RALY: variants seen among roughly 807,000 people sequenced by gnomAD.
RALY encodes RALY heterogeneous nuclear ribonucleoprotein, also known as RNA-binding protein Raly.
A neutral mutation model predicts 30.7 loss-of-function variants in RALY; 15 were observed. The ratio of observed to expected loss-of-function variants is 0.49; its 90% CI spans 0.33 to 0.75. The LOEUF is 0.75. RALY is among the 30% of genes least tolerant of loss of function. The pLI, the probability that RALY is intolerant of heterozygous loss-of-function variation, is 0.02. For missense variants in RALY, 339 were observed against 414.3 expected, an observed-to-expected ratio of 0.82 and a Z score of 1.58; for synonymous variants, 177 against 170.8, an observed-to-expected ratio of 1.04 and a Z score of -0.28.
chr20:34,019,755 G>T lies in RALY; in HGVS notation c.-92-11767G>T, dbSNP rs535623547. Among the ~76,000 whole-genome samples the T allele has an allele frequency of 8.5e-5, 13 of 152,188 alleles. No individual in the cohort carries two copies. The South Asian group carries it at 1.0e-3, about 12-fold the overall frequency. ...ATACAAATTATGTAAGACAGAGCAA[G>T]CTTTATTCGGTAGATAGGAAGCTTG... On this transcript the variant is annotated intron_variant, in intron 1 of 9. Coordinates refer to ENST00000246194, the MANE Select transcript of RALY (RefSeq NM_016732.3).
At chr20:34,067,040 G>C (rs1388510385) in intron 2 of RALY, among the ~76,000 whole-genome samples, 1 of 152,096 alleles carries the variant, frequency 6.6e-6, no homozygotes, top group Non-Finnish European at 1.5e-5. Flanking sequence ...TGTTTTTGAG[G>C]TCCTGATTCC....
chr20:34,026,289 T>C (rs1368061925), intron 1 of RALY, among the ~76,000 whole-genome samples: 1 of 152,160 alleles, frequency 6.6e-6, no homozygotes, highest in Non-Finnish European at 1.5e-5. Context: ...CAAAGAGGAA[T>C]TCCTGCTGCT....
intron 2 of RALY, among the ~76,000 whole-genome samples, chr20:34,051,910 C>T (rs2033091686): frequency 6.6e-6 from 1 of 152,158 alleles, no homozygotes. Flanking sequence ...CAGCCTGATA[C>T]TTTCACTACA....
intron 2 of RALY, among the ~76,000 whole-genome samples, chr20:34,067,554 C>G (rs2033609831): frequency 6.6e-6 from 1 of 152,202 alleles, no homozygotes; most frequent in Non-Finnish European, 1.5e-5. Flanking sequence ...CCTTTGCAAA[C>G]CCCTGCCACT....
At chr20:33,999,603 C>CCT (rs1190099170) in intron 1 of RALY, among the ~76,000 whole-genome samples, 3 of 152,150 alleles carry the variant, frequency 2.0e-5, no homozygotes, top group African/African-American at 7.2e-5. Flanking sequence ...TTCCTAAGTC[C>CCT]CTCTCTAAGC....
chr20:34,043,671 G>A (rs2032778952), intron 2 of RALY, among the ~76,000 whole-genome samples: 1 of 152,156 alleles, frequency 6.6e-6, no homozygotes, highest in South Asian at 2.1e-4. Context: ...GTTCATACTA[G>A]TGGGTAGGAA....
At chr20:34,013,581 T>G (rs946462869) in intron 1 of RALY, among the ~76,000 whole-genome samples, 6 of 152,212 alleles carry the variant, frequency 3.9e-5, no homozygotes, top group African/African-American at 1.4e-4. Context: ...CTGTTTATCT[T>G]TCATATCAAT....
At chr20:34,019,978 G>A (rs1053612600) in intron 1 of RALY, among the ~76,000 whole-genome samples, 3 of 151,894 alleles carry the variant, frequency 2.0e-5, no homozygotes, top group African/African-American at 2.4e-5. Flanking sequence ...GGAGAATGGC[G>A]TGAACCCGGG....
intron 2 of RALY, among the ~76,000 whole-genome samples, chr20:34,054,830 G>A (rs1381566781): frequency 6.1e-5 from 9 of 146,526 alleles, no homozygotes; most frequent in South Asian, 2.1e-4. Context: ...AAAAAAAAAA[G>A]AAAGAAAGAA....
intron 5 of RALY, among the ~76,000 whole-genome samples, chr20:34,074,787 C>A (rs140109013): frequency 7.9e-5 from 12 of 152,326 alleles, no homozygotes; most frequent in African/African-American, 2.9e-4. Context: ...CAGAGCCGTT[C>A]CCTCCCCTTG....
intron 2 of RALY, among the ~76,000 whole-genome samples, chr20:34,068,094 A>G (rs1312135217): frequency 2.0e-5 from 3 of 152,104 alleles, no homozygotes; most frequent in East Asian, 1.9e-4. Context: ...AGAAGTCTCT[A>G]GGAATAAATT....
intron 1 of RALY, among the ~76,000 whole-genome samples, chr20:34,018,816 C>G (rs1054616198): frequency 2.6e-5 from 4 of 152,208 alleles, no homozygotes; most frequent in African/African-American, 7.2e-5. Context: ...GGAGATGGAG[C>G]TCCTAATGAT....
At chr20:34,011,354 T>G (rs2031391750) in intron 1 of RALY, among the ~76,000 whole-genome samples, 2 of 152,198 alleles carry the variant, frequency 1.3e-5, no homozygotes, top group Non-Finnish European at 2.9e-5. Flanking sequence ...GAAATCTAAT[T>G]TTTTTAAAAG....
At chr20:34,075,731 C>G (rs1193497702) in intron 5 of RALY, 143 bp from the exon 6 acceptor site, 3 of 935,098 alleles carry the variant, frequency 3.2e-6, no homozygotes, top group Non-Finnish European at 4.7e-6. Context: ...CCTCTTCACT[C>G]CAGGGCTTGC....
At chr20:34,035,128 G>A (rs1381228799) in intron 2 of RALY, among the ~76,000 whole-genome samples, 1 of 129,440 alleles carries the variant, frequency 7.7e-6, no homozygotes, top group Admixed American at 8.8e-5. Context: ...ACTCCAGCCT[G>A]GGCGACAGAG....
chr20:34,051,904 C>T (rs2123176938), intron 2 of RALY, among the ~76,000 whole-genome samples: 1 of 152,330 alleles, frequency 6.6e-6, no homozygotes, highest in Non-Finnish European at 1.5e-5. Context: ...TGCGCCCAGC[C>T]TGATACTTTC....
At position 34,077,166 on chromosome 20, in the gene RALY, C is replaced by T. The variant is rs2033915161; in HGVS notation, c.797C>T (p.Ala266Val). The change falls in exon 8 of 10, where the codon GCA becomes GTA. Residue 266 changes from alanine to valine, a missense_variant. Transcript: ENST00000246194. ...PAPQENTTSE[A>V]GLPQGEARTR... ...CCCCAAGAGAACACAACTTCTGAGGCAGGCCTGCCCCAGGGGGAAGCACGG... is the reference window on the plus strand; with the variant it reads ...CCCCAAGAGAACACAACTTCTGAGGTAGGCCTGCCCCAGGGGGAAGCACGG... 2 of 1,613,622 alleles carry T rather than the reference C, an allele frequency of 1.2e-6. No individual in the cohort carries two copies. The highest frequency in any genetic ancestry group is 1.7e-4 in the Middle Eastern group (1 of 6,056).
chr20:34,002,484 G>A (rs2030963123), intron 1 of RALY, among the ~76,000 whole-genome samples: 1 of 152,244 alleles, frequency 6.6e-6, no homozygotes, highest in African/African-American at 2.4e-5. Context: ...AGACAGATAA[G>A]TAAAGCAAAT....
chr20:34,047,990 G>A (rs1440461029), intron 2 of RALY, among the ~76,000 whole-genome samples: 1 of 152,190 alleles, frequency 6.6e-6, no homozygotes, highest in Admixed American at 6.5e-5. Flanking sequence ...GAGCCTCCAG[G>A]CCAGGCTTTA....
Sources: allele counts gnomAD v4.1 joint callset (sites outside exome capture counted in the v4.1 genomes callset), GRCh38; gene constraint gnomAD v4.1.1; transcripts MANE v1.5; gene names NCBI Gene and HGNC (gene_info 2026-07-23, HGNC 2026-07-21).